GRIP1: variants seen among roughly 807,000 people sequenced by gnomAD.
GRIP1 encodes glutamate receptor-interacting protein 1.
Under a neutral mutation model 129.9 loss-of-function variants are expected in GRIP1, and 45 were observed. The observed-to-expected ratio is 0.35, with a 90% CI of 0.27 to 0.44. The LOEUF is 0.44. Among genes scored for constraint, GRIP1 ranks in the 20% least tolerant of loss-of-function variants. The pLI, the probability that GRIP1 is intolerant of heterozygous loss-of-function variation, is 1.00. For synonymous variants in GRIP1, 530 were observed against 520.8 expected, an observed-to-expected ratio of 1.02 and a Z score of -0.24; for missense variants, 1,196 against 1,396.8, an observed-to-expected ratio of 0.86 and a Z score of 2.29.
intron 1 of GRIP1, among the ~76,000 whole-genome samples, chr12:66,883,251 T>C (rs964996497): frequency 6.6e-6 from 1 of 152,128 alleles, no homozygotes; most frequent in African/African-American, 2.4e-5. Flanking sequence ...ATTGCAACTG[T>C]GCACCCCTTT....
chr12:66,774,073 A>G (rs902058339), intron 1 of GRIP1, among the ~76,000 whole-genome samples: 2 of 152,224 alleles, frequency 1.3e-5, no homozygotes, highest in Non-Finnish European at 2.9e-5. Context: ...GGAGAACAGT[A>G]TATTTGACAA....
chr12:66,763,166 G>A (rs2037526019), intron 1 of GRIP1, among the ~76,000 whole-genome samples: 1 of 152,146 alleles, frequency 6.6e-6, no homozygotes. Context: ...AATCCTTGCT[G>A]TCCTTAAAGC....
At chr12:67,039,824 G>A (rs1446101353) in intron 1 of GRIP1, among the ~76,000 whole-genome samples, 9 of 152,126 alleles carry the variant, frequency 5.9e-5, no homozygotes, top group African/African-American at 2.2e-4. Context: ...TACTCCTGGT[G>A]ACTCATTATA....
intron 1 of GRIP1, among the ~76,000 whole-genome samples, chr12:66,690,946 C>A (rs889280894): frequency 3.3e-5 from 5 of 151,648 alleles, no homozygotes; most frequent in Non-Finnish European, 7.4e-5. Flanking sequence ...AACAAAACAA[C>A]AAAACAAAAA....
chr12:66,879,397 G>T (rs529245365), intron 1 of GRIP1, among the ~76,000 whole-genome samples: 8 of 152,158 alleles, frequency 5.3e-5, no homozygotes, highest in Non-Finnish European at 1.0e-4. Flanking sequence ...GTGGAAGGGG[G>T]TATTATTTCT....
chr12:66,822,786 G>A (rs1178615158), intron 1 of GRIP1, among the ~76,000 whole-genome samples: 1 of 152,100 alleles, frequency 6.6e-6, no homozygotes, highest in Non-Finnish European at 1.5e-5. Flanking sequence ...TCACTTATAA[G>A]TGGAAGCAGA....
chr12:66,685,940 G>A (rs918566874), intron 1 of GRIP1, among the ~76,000 whole-genome samples: 1 of 152,014 alleles, frequency 6.6e-6, no homozygotes, highest in Non-Finnish European at 1.5e-5. Flanking sequence ...AGCACATAGC[G>A]CCAATGTTCA....
chr12:66,772,500 C>G (rs1242077985), intron 1 of GRIP1, among the ~76,000 whole-genome samples: 8 of 152,186 alleles, frequency 5.3e-5, no homozygotes, highest in Admixed American at 5.2e-4. Context: ...GCTTCAGCCA[C>G]AGTTGGGCAT....
At chr12:66,950,503 CTAAAA>C (rs575763595) in intron 1 of GRIP1, among the ~76,000 whole-genome samples, 248 of 151,986 alleles carry the variant, frequency 1.6e-3, no homozygotes, top group African/African-American at 5.2e-3. Flanking sequence ...AAAATATTTT[CTAAAA>C]TAAATTTTTC....
rs191762429 is a variant in GRIP1 at position 66,535,941 on chromosome 12, A to G, written c.418+3137T>C. On this transcript the variant is annotated intron_variant, in intron 4 of 24. Transcript: ENST00000359742. The stretch of plus-strand genomic sequence containing the variant: ...CTTGCATGTCAAATAGGCACCTCAA[A>G]TGTAGTATTTCAAGCCATGAACTGC... 1.4e-4 allele frequency among the ~76,000 whole-genome samples: 22 copies of G among 152,292 alleles called. No individual in the cohort carries two copies. The East Asian group carries it at 4.3e-3, about 29-fold the overall frequency.
rs56060111 is a variant in GRIP1 at position 66,460,746 on chromosome 12, G to A, written c.1042+2178C>T. Among the ~76,000 whole-genome samples the A allele has an allele frequency of 2.6e-4, 40 of 152,322 alleles. 1 individual carries two copies. Among genetic ancestry groups the A allele is most frequent in the African/African-American group, 9.4e-4 (39 of 41,574 alleles). ...TGAGAGACACACTGTTCAGGCATCA[G>A]AGATCTTGAAAAAACAATCAGAACT... is the stretch of plus-strand genomic sequence containing the variant. On this transcript the variant is annotated intron_variant, in intron 9 of 24. Coordinates refer to ENST00000359742, the MANE Select transcript of GRIP1 (RefSeq NM_001366722.1).
At chr12:66,916,685 T>C (rs2041128436) in intron 1 of GRIP1, among the ~76,000 whole-genome samples, 2 of 152,150 alleles carry the variant, frequency 1.3e-5, no homozygotes, top group Non-Finnish European at 2.9e-5. Flanking sequence ...AAATATTTTT[T>C]CTTCTCCACT....
At chr12:67,015,631 G>A (rs1799367795) in intron 1 of GRIP1, among the ~76,000 whole-genome samples, 2 of 152,128 alleles carry the variant, frequency 1.3e-5, no homozygotes, top group Admixed American at 1.3e-4. Context: ...TTCGAATAGA[G>A]CATCAAATAC....
At chr12:66,797,885 C>A (rs984621146) in intron 1 of GRIP1, among the ~76,000 whole-genome samples, 15 of 152,132 alleles carry the variant, frequency 9.9e-5, no homozygotes, top group Admixed American at 6.6e-5. Flanking sequence ...CAAACTCTCA[C>A]AGGAGCATTC....
chr12:67,008,177 T>C (rs2042655078), intron 1 of GRIP1, among the ~76,000 whole-genome samples: 1 of 152,242 alleles, frequency 6.6e-6, no homozygotes, highest in African/African-American at 2.4e-5. Context: ...CCAGTCTAAA[T>C]GCTAACAACT....
At chr12:66,814,784 T>C (rs2039175085) in intron 1 of GRIP1, among the ~76,000 whole-genome samples, 1 of 152,014 alleles carries the variant, frequency 6.6e-6, no homozygotes, top group South Asian at 2.1e-4. Context: ...ATTGACTCAG[T>C]TCTGCATCGC....
chr12:66,812,974 A>ATAGAACAGTT (rs1283033439), intron 1 of GRIP1, among the ~76,000 whole-genome samples: 17 of 152,188 alleles, frequency 1.1e-4, no homozygotes, highest in African/African-American at 4.1e-4. Context: ...CACTCTAAAG[A>ATAGAACAGTT]TAGAACAGTG....
At chr12:66,480,381 A>G (rs1399579911) in intron 7 of GRIP1, among the ~76,000 whole-genome samples, 3 of 152,198 alleles carry the variant, frequency 2.0e-5, no homozygotes, top group Admixed American at 6.5e-5. Context: ...TTCAAGGAGA[A>G]CTACAAACCA....
At chr12:66,864,496 G>A (rs1592913004) in intron 1 of GRIP1, among the ~76,000 whole-genome samples, 1 of 151,900 alleles carries the variant, frequency 6.6e-6, no homozygotes, top group South Asian at 2.1e-4. Flanking sequence ...CAGTAGGATT[G>A]CTTGAGCCTG....
Sources: allele counts gnomAD v4.1 joint callset (sites outside exome capture counted in the v4.1 genomes callset), GRCh38; gene constraint gnomAD v4.1.1; transcripts MANE v1.5; gene names NCBI Gene and HGNC (gene_info 2026-07-23, HGNC 2026-07-21).